Variants in BIRC2 observed in about 807,000 individuals in gnomAD.
BIRC2 encodes baculoviral IAP repeat-containing protein 2.
A neutral mutation model predicts 60.9 loss-of-function variants in BIRC2; 18 were observed. The observed-to-expected ratio is 0.30, with a 90% CI of 0.20 to 0.44. The LOEUF (loss-of-function observed/expected upper bound fraction) is 0.44, where lower values mean the gene tolerates loss of function less well. BIRC2 is among the 20% of genes least tolerant of loss of function. The pLI is 1.00. For synonymous variants in BIRC2, 282 were observed against 247.7 expected, an observed-to-expected ratio of 1.14 and a Z score of -1.30; for missense variants, 701 against 728.5, an observed-to-expected ratio of 0.96 and a Z score of 0.43.
intron 3 of BIRC2, among the ~76,000 whole-genome samples, chr11:102,358,802 T>C (rs1951452674): frequency 6.6e-6 from 1 of 152,252 alleles, no homozygotes; most frequent in South Asian, 2.1e-4. Context: ...TGCTCTCTTT[T>C]GGTTTCCATT....
chr11:102,375,120 C>T (rs1253023672), intron 6 of BIRC2, among the ~76,000 whole-genome samples: 1 of 152,196 alleles, frequency 6.6e-6, no homozygotes. Flanking sequence ...CAGAAATCAC[C>T]CGTCTTGTGC....
chr11:102,364,139 T>TTATATATATATATATATATATATA (rs371707721), intron 5 of BIRC2, among the ~76,000 whole-genome samples: 22 of 61,404 alleles, frequency 3.6e-4, no homozygotes, highest in African/African-American at 9.3e-4. Flanking sequence ...CTAATAAATA[T>TTATATATATATATATATATATATA]TATATATATA....
intron 3 of BIRC2, among the ~76,000 whole-genome samples, chr11:102,352,152 C>CA (rs886675957): frequency 6.7e-6 from 1 of 148,664 alleles, no homozygotes; most frequent in Non-Finnish European, 1.5e-5. Context: ...CTCACTCTGT[C>CA]ACCCAGGCTG....
intron 5 of BIRC2, among the ~76,000 whole-genome samples, chr11:102,364,186 C>CAGAGAGAGAG (rs56992401): frequency 1.0e-5 from 1 of 99,794 alleles, no homozygotes; most frequent in African/African-American, 4.2e-5. Flanking sequence ...CACACACACA[C>CAGAGAGAGAG]AGAGAGAGAG....
At chr11:102,347,433 C>T (rs1298288828) in intron 1 of BIRC2, 57 bp downstream of exon 1, 1 of 142,586 alleles carries the variant, frequency 7.0e-6, no homozygotes, top group East Asian at 2.1e-4. Flanking sequence ...ACGCGAGGGC[C>T]CGCGGGGGCC....
At position 102,372,037 on chromosome 11, in the gene BIRC2, G is replaced by A. The variant is rs1171313890; in HGVS notation, c.1366+3489G>A. Among the ~76,000 whole-genome samples the A allele has an allele frequency of 5.5e-4, 83 of 151,992 alleles. 2 individuals are homozygous for A. Among genetic ancestry groups the A allele is most frequent in the Middle Eastern group, 3.4e-3 (1 of 294 alleles). ...TATCCCCTTTATCATTTTTTATTGCGTCTATTTGATTCTTCTCTCTTTTCT... is the reference window on the plus strand; with the variant it reads ...TATCCCCTTTATCATTTTTTATTGCATCTATTTGATTCTTCTCTCTTTTCT... On this transcript the variant is annotated intron_variant, in intron 6 of 8. Transcript: ENST00000227758.
At position 102,377,633 on chromosome 11, in the gene BIRC2, A is replaced by C. The variant is rs1355324011; in HGVS notation, c.1504A>C (p.Ile502Leu). The C allele has an allele frequency of 1.2e-6, 2 of 1,611,434 alleles. No individual in the cohort carries two copies. Among genetic ancestry groups the C allele is most frequent in the Non-Finnish European group, 1.7e-6 (2 of 1,179,338 alleles). Reference sequence around the variant, plus strand: ...TGATATTATTAAACAAAAAACACAGATACCTTTACAAGCGAGAGAACTGAT... The same window carrying C: ...TGATATTATTAAACAAAAAACACAGCTACCTTTACAAGCGAGAGAACTGAT... ...EHDIIKQKTQIPLQARELIDT... is the reference protein window; with the variant it reads ...EHDIIKQKTQLPLQARELIDT... Residue 502 changes from isoleucine (I) to leucine (L), a missense_variant, in exon 7 of 9, where the codon ATA becomes CTA. Ile to Leu is a conservative substitution (Grantham distance 5, BLOSUM62 2). Around this residue, in one of 4 missense-constraint regions of BIRC2, gnomAD observed 235 missense variants for 208.9 expected, o/e 1.12. Coordinates refer to ENST00000227758, the MANE Select transcript of BIRC2 (RefSeq NM_001166.5).
intron 3 of BIRC2, among the ~76,000 whole-genome samples, chr11:102,352,063 C>T (rs1951369057): frequency 6.6e-6 from 1 of 151,830 alleles, no homozygotes; most frequent in Non-Finnish European, 1.5e-5. Flanking sequence ...TCACCATTAT[C>T]CCATTCCCCA....
At chr11:102,352,006 C>T (rs1951368196) in intron 3 of BIRC2, among the ~76,000 whole-genome samples, 1 of 152,178 alleles carries the variant, frequency 6.6e-6, no homozygotes, top group African/African-American at 2.4e-5. Flanking sequence ...ATCTCCAGAA[C>T]CTTTGCATCT....
At chr11:102,359,091 G>C (rs933923431) in intron 3 of BIRC2, among the ~76,000 whole-genome samples, 2 of 152,082 alleles carry the variant, frequency 1.3e-5, no homozygotes, top group Non-Finnish European at 2.9e-5. Flanking sequence ...GGTATGCTTT[G>C]ATTCCTTTAT....
chr11:102,374,875 C>T (rs563322399), intron 6 of BIRC2, among the ~76,000 whole-genome samples: 3 of 152,174 alleles, frequency 2.0e-5, no homozygotes, highest in Admixed American at 6.5e-5. Context: ...CTTGGTTCGC[C>T]GTTTTTTAAG....
intron 6 of BIRC2, among the ~76,000 whole-genome samples, chr11:102,375,090 C>A (rs1024744691): frequency 6.6e-6 from 1 of 152,238 alleles, no homozygotes; most frequent in Non-Finnish European, 1.5e-5. Flanking sequence ...GAGATGAACC[C>A]GGTACCTCAG....
chr11:102,357,746 T>G (rs1417036150), intron 3 of BIRC2, among the ~76,000 whole-genome samples: 1 of 152,140 alleles, frequency 6.6e-6, no homozygotes, highest in Non-Finnish European at 1.5e-5. Flanking sequence ...GTTTTAGTGG[T>G]CTTTTCTATT....
chr11:102,376,006 GA>G (rs1951709135), intron 6 of BIRC2, among the ~76,000 whole-genome samples: 2 of 151,844 alleles, frequency 1.3e-5, no homozygotes, highest in African/African-American at 4.8e-5. Context: ...TGGGAAGTGG[GA>G]GGGACTTGGT....
chr11:102,377,425 A>AT, intron 6 of BIRC2, 71 bp from the exon 7 acceptor site: 7 of 1,356,892 alleles, frequency 5.2e-6, no homozygotes, highest in Non-Finnish European at 7.0e-6. Context: ...AGGGTTGGTT[A>AT]TTAGTGACTA....
chr11:102,357,814 G>A (rs1469679088), intron 3 of BIRC2, among the ~76,000 whole-genome samples: 2 of 151,630 alleles, frequency 1.3e-5, no homozygotes, highest in Non-Finnish European at 2.9e-5. Context: ...ACTTTTTCTA[G>A]TTCCTTTAGA....
intron 6 of BIRC2, among the ~76,000 whole-genome samples, chr11:102,375,418 C>T (rs1021020144): frequency 3.2e-4 from 48 of 152,154 alleles, no homozygotes; most frequent in Admixed American, 3.1e-3. Context: ...TTAAGAGTAC[C>T]TTATTGCATG....
chr11:102,364,154 T>TATATAC (rs1311182557), intron 5 of BIRC2, among the ~76,000 whole-genome samples: 22 of 67,276 alleles, frequency 3.3e-4, no homozygotes, highest in African/African-American at 1.3e-3. Context: ...TATATATATA[T>TATATAC]ATATATATAT....
chr11:102,368,839 A>G (rs1403567266), intron 6 of BIRC2, among the ~76,000 whole-genome samples: 2 of 152,126 alleles, frequency 1.3e-5, no homozygotes, highest in East Asian at 3.9e-4. Context: ...TTTCTTTCTC[A>G]TACATAACAA....
Sources: allele counts gnomAD v4.1 joint callset (sites outside exome capture counted in the v4.1 genomes callset), GRCh38; gene constraint gnomAD v4.1.1; regional missense constraint gnomAD v4.1.1; transcripts MANE v1.5; gene names NCBI Gene and HGNC (gene_info 2026-07-23, HGNC 2026-07-21).